The following SETD4 variants were observed in gnomAD, a reference collection of about 807,000 sequenced individuals.
SETD4 encodes the protein SET domain-containing protein 4.
A neutral mutation model predicts 58.3 loss-of-function variants in SETD4; 46 were observed. That is an observed-to-expected ratio of 0.79 (90% confidence interval 0.62 to 1.01). The LOEUF (loss-of-function observed/expected upper bound fraction) is 1.01. Among genes scored for constraint, SETD4 ranks in the 50% least tolerant of loss-of-function variants. The pLI is 0.00. For synonymous variants in SETD4, 190 were observed against 202.6 expected (o/e 0.94, Z 0.53); for missense variants, 490 against 523.3 (o/e 0.94, Z 0.62).
At chr21:36,058,237 C>A (rs1288110265) in intron 2 of SETD4, among the ~76,000 whole-genome samples, 1 of 152,158 alleles carries the variant, frequency 6.6e-6, no homozygotes, top group Non-Finnish European at 1.5e-5. Context: ...CAGTGGCTCA[C>A]ACCTGTAATC....
rs1379888742 is a variant in SETD4 at position 36,045,767 on chromosome 21, G to A, written c.541C>T (p.Gln181Ter). 6.2e-7 allele frequency: 1 copy of A among 1,614,112 alleles called. No homozygotes were observed. Among genetic ancestry groups the A allele is most frequent in the African/African-American group, 1.3e-5 (1 of 74,928 alleles). Residue 181 changes from glutamine (Q) to a stop codon, truncating the protein, a stop_gained, in exon 6 of 12, where the codon CAG becomes TAG. Transcript: ENST00000332131. LOFTEE classifies it high-confidence loss of function. The part of the protein sequence containing the change: ...ASSRDFFSSL[Q>*]PLFAEAVDSI... ...TCAACAGCCTCCGCAAACAGAGGCT[G>A]CAGAGAAGAGAAAAAGTCTCTGGAG...
At chr21:36,050,428 C>A (rs2064605185) in intron 4 of SETD4, 1 of 1,613,936 alleles carries the variant, frequency 6.2e-7, no homozygotes, top group Non-Finnish European at 8.5e-7. Flanking sequence ...ACTGCCTACC[C>A]ACAAGTGGTG....
chr21:36,059,719 AT>A, intron 1 of SETD4: 1 of 975,050 alleles, frequency 1.0e-6, no homozygotes, highest in Non-Finnish European at 1.2e-6. Flanking sequence ...AAAATAAAAA[AT>A]AAATCTACTT....
In SETD4 at chr21:36,043,695, A is replaced by G. The variant is rs543493144; in HGVS notation, c.901+87T>C. The G allele has an allele frequency of 9.0e-6, 14 of 1,557,950 alleles. No homozygotes were observed. In the East Asian group the frequency reaches 1.9e-4, roughly 21 times the overall value. ...TATGTATGTCAGTCTTAAGGTTTTG[A>G]TATTTTTATTAAAACTGAAAATACA... On this transcript the variant is annotated intron_variant, in intron 7 of 11. Transcript: ENST00000332131.
intron 1 of SETD4, 168 bp downstream of exon 1, chr21:36,060,179 T>C: frequency 2.1e-6 from 2 of 965,304 alleles, no homozygotes; most frequent in Non-Finnish European, 2.5e-6. Flanking sequence ...CTCCACAAGA[T>C]GAGAGGTTAC....
chr21:36,056,250 A>C (rs2064975487), intron 3 of SETD4, among the ~76,000 whole-genome samples: 1 of 152,232 alleles, frequency 6.6e-6, no homozygotes, highest in African/African-American at 2.4e-5. Flanking sequence ...TAATTTGCTC[A>C]AAGTTCAATT....
chr21:36,042,239 G>A (rs894427659), intron 7 of SETD4: 2 of 164,020 alleles, frequency 1.2e-5, no homozygotes, highest in Non-Finnish European at 2.6e-5. Flanking sequence ...ATGAGGAAAG[G>A]TTTACAATAC....
intron 5 of SETD4, among the ~76,000 whole-genome samples, chr21:36,046,427 A>G (rs1441397721): frequency 1.3e-5 from 2 of 152,222 alleles, no homozygotes; most frequent in African/African-American, 4.8e-5. Flanking sequence ...ACCATCCGAT[A>G]TAGTAATCAC....
At chr21:36,042,457 A>T (rs2064109356) in intron 7 of SETD4, 1 of 152,224 alleles carries the variant, frequency 6.6e-6, no homozygotes, top group African/African-American at 2.4e-5. Flanking sequence ...TACTTCGCGG[A>T]CATCAATATT....
At chr21:36,036,528 A>T in intron 10 of SETD4, 7 of 591,630 alleles carry the variant, frequency 1.2e-5, no homozygotes, top group Non-Finnish European at 1.5e-5. Context: ...CTGTTCCAGG[A>T]ACCTCACAGA....
chr21:36,051,023 T>C, intron 4 of SETD4: 1 of 1,532,618 alleles, frequency 6.5e-7, no homozygotes, highest in Non-Finnish European at 9.0e-7. Flanking sequence ...TGATGAAAGA[T>C]GGCAGCTCCT....
intron 1 of SETD4, chr21:36,059,528 A>C (rs2065175350): frequency 5.9e-6 from 1 of 168,932 alleles, no homozygotes; most frequent in South Asian, 1.9e-4. Flanking sequence ...TCTCTACTAA[A>C]AATACAAAAA....
rs564900437 is a variant in SETD4 at position 36,037,865 on chromosome 21, G to A, written c.1188+285C>T. ...ACAAACATTAGCTGGGCATGGTGGC[G>A]GGTGCCTGTAATCCCAGCTACCCGG... On this transcript the variant is annotated intron_variant, in intron 10 of 11. Transcript: ENST00000332131. Among the ~76,000 whole-genome samples the A allele has an allele frequency of 2.1e-3, 322 of 151,810 alleles. 2 individuals are homozygous for A. The highest frequency in any genetic ancestry group is 3.1e-3 in the Admixed American group (48 of 15,240).
intron 10 of SETD4, among the ~76,000 whole-genome samples, chr21:36,037,281 TATAA>T (rs1391163753): frequency 8.1e-6 from 1 of 123,312 alleles, no homozygotes; most frequent in Non-Finnish European, 1.8e-5. Context: ...TGTAGTCCAC[TATAA>T]ATATATACAA....
At position 36,038,162 on chromosome 21, in the gene SETD4, A is replaced by G. The variant is rs777908800; in HGVS notation, c.1176T>C (p.Ala392=). The G allele has an allele frequency of 1.9e-6, 3 of 1,610,930 alleles. No homozygotes were observed. Among genetic ancestry groups the G allele is most frequent in the Non-Finnish European group, 2.5e-6 (3 of 1,179,286 alleles). Residue 392 remains alanine, a synonymous_variant, in exon 10 of 12, where the codon GCT becomes GCC. Transcript: ENST00000332131. ...TCTAGAAACATACCTTTTGAAGCACAGCATTAGTCTCTTCTATGAAATAAT... is the reference window on the plus strand; with the variant it reads ...TCTAGAAACATACCTTTTGAAGCACGGCATTAGTCTCTTCTATGAAATAAT... ...ICYYFIEETN[A]VLQKVSHMKD... is the part of the protein sequence containing the mutation.
At chr21:36,044,768 C>T (rs1433029240) in intron 6 of SETD4, among the ~76,000 whole-genome samples, 1 of 152,218 alleles carries the variant, frequency 6.6e-6, no homozygotes, top group African/African-American at 2.4e-5. Context: ...GGCATGGCTG[C>T]TCTTCTCCAG....
In SETD4 at chr21:36,058,032, A is replaced by C. The variant is rs918181385; in HGVS notation, c.73+784T>G. On this transcript the variant is annotated intron_variant, in intron 2 of 11. Transcript: ENST00000332131. ...GGGTTACCCTGAATTTGAAGTCATA[A>C]ATTTACATCCAAACATTGATATCCT... 2.6e-4 allele frequency among the ~76,000 whole-genome samples: 40 copies of C among 152,244 alleles called. 2 individuals carry two copies. The highest frequency in any genetic ancestry group is 2.4e-5 in the African/African-American group (1 of 41,458).
intron 1 of SETD4, 120 bp downstream of exon 1, chr21:36,060,227 T>C (rs2065225625): frequency 3.0e-6 from 2 of 659,164 alleles, no homozygotes; most frequent in Non-Finnish European, 3.8e-6. Flanking sequence ...GGAGGGGACC[T>C]GCGACCTAAA....
chr21:36,050,644 A>C, intron 4 of SETD4: 1 of 1,607,960 alleles, frequency 6.2e-7, no homozygotes, highest in Non-Finnish European at 8.5e-7. Context: ...AATTTTGCTA[A>C]AATGATTGAT....
Sources: allele counts gnomAD v4.1 joint callset (sites outside exome capture counted in the v4.1 genomes callset), GRCh38; gene constraint gnomAD v4.1.1; transcripts MANE v1.5; gene names NCBI Gene and HGNC (gene_info 2026-07-23, HGNC 2026-07-21).